The following GRIN2A variants were observed in gnomAD, a reference collection of about 807,000 sequenced individuals.
The protein encoded by GRIN2A is glutamate receptor ionotropic, NMDA 2A.
In GRIN2A, 22 loss-of-function variants were observed where a neutral mutation model predicts 113.4. That is an observed-to-expected ratio of 0.19 (90% CI 0.14 to 0.28). The LOEUF (loss-of-function observed/expected upper bound fraction) is 0.28. GRIN2A is among the 10% of genes least tolerant of loss of function. The pLI is 1.00. For missense variants in GRIN2A, 1,502 were observed against 1,887.0 expected, an observed-to-expected ratio of 0.80 and a Z score of 3.78; for synonymous variants, 827 against 738.4, an observed-to-expected ratio of 1.12 and a Z score of -1.94.
intron 5 of GRIN2A, among the ~76,000 whole-genome samples, chr16:9,842,627 A>G (rs1241143239): frequency 6.6e-6 from 1 of 152,236 alleles, no homozygotes; most frequent in Admixed American, 6.5e-5. Flanking sequence ...AAATAACTGT[A>G]TGGAAAAACA....
chr16:10,181,461 T>A (rs1299260859), intron 1 of GRIN2A: 1 of 152,332 alleles, frequency 6.6e-6, no homozygotes, highest in African/African-American at 2.4e-5. Context: ...CACACGCTCA[T>A]AGGCACGCGC....
At chr16:10,051,333 C>A (rs1318431644) in intron 2 of GRIN2A, among the ~76,000 whole-genome samples, 1 of 152,170 alleles carries the variant, frequency 6.6e-6, no homozygotes, top group Non-Finnish European at 1.5e-5. Flanking sequence ...CAAGACACCT[C>A]CTGCATGGGT....
chr16:9,978,387 C>T (rs2045818349), intron 2 of GRIN2A, among the ~76,000 whole-genome samples: 2 of 152,144 alleles, frequency 1.3e-5, no homozygotes, highest in Non-Finnish European at 2.9e-5. Flanking sequence ...GTGATAATTC[C>T]CAGCCTTGCT....
rs549593627 is a variant in GRIN2A at position 9,812,236 on chromosome 16, C to T, written c.2168+10028G>A. Among the ~76,000 whole-genome samples the T allele has an allele frequency of 5.9e-5, 9 of 152,162 alleles. No homozygotes were observed. The South Asian group carries it at 8.3e-4, about 14-fold the overall frequency. The stretch of plus-strand genomic sequence containing the variant: ...GGTGGATGAAAATCTTGATGGTCAC[C>T]GTCATATAGGTTTGTCATGATGTTT... On this transcript the variant is annotated intron_variant, in intron 10 of 12. Coordinates refer to ENST00000330684, the MANE Select transcript of GRIN2A (RefSeq NM_001134407.3).
At chr16:9,928,622 T>G (rs969061301) in intron 3 of GRIN2A, among the ~76,000 whole-genome samples, 1 of 151,922 alleles carries the variant, frequency 6.6e-6, no homozygotes, top group Non-Finnish European at 1.5e-5. Context: ...ACTCGTCACT[T>G]ACTCATCTGT....
chr16:9,997,798 C>A (rs951949745), intron 2 of GRIN2A, among the ~76,000 whole-genome samples: 1 of 152,160 alleles, frequency 6.6e-6, no homozygotes, highest in Non-Finnish European at 1.5e-5. Flanking sequence ...CTCACAAGAT[C>A]TGATGGTTTT....
chr16:9,938,387 G>C lies in GRIN2A; in HGVS notation c.579C>G (p.Asn193Lys), dbSNP rs981166445. The change falls in exon 3 of 13, where the codon AAC becomes AAG. Residue 193 changes from asparagine (N) to lysine (K), a missense_variant. Physicochemically the swap from Asn to Lys is moderately conservative, Grantham distance 94 (BLOSUM62 0). Transcript: ENST00000330684. Reference protein sequence around the residue: ...FISFVKTTVDNSFVGWDMQNV... With the variant: ...FISFVKTTVDKSFVGWDMQNV... ...TCTGCATGTCCCAGCCCACAAAGCT[G>C]TTGTCCACTGTGGTCTTGACGAAGC... 1 of 1,614,020 alleles carries C rather than the reference G, an allele frequency of 6.2e-7. No homozygotes were observed. Among genetic ancestry groups the C allele is most frequent in the Non-Finnish European group, 8.5e-7 (1 of 1,180,002 alleles).
At chr16:9,856,274 C>T (rs919697962) in intron 4 of GRIN2A, among the ~76,000 whole-genome samples, 1 of 152,204 alleles carries the variant, frequency 6.6e-6, no homozygotes, top group African/African-American at 2.4e-5. Flanking sequence ...TTAATCACTA[C>T]CTCCCTTTTT....
chr16:10,153,209 G>T (rs754694079), intron 2 of GRIN2A, among the ~76,000 whole-genome samples: 4 of 152,250 alleles, frequency 2.6e-5, no homozygotes, highest in Non-Finnish European at 4.4e-5. Flanking sequence ...GTAGGGCAGG[G>T]GGTATTTGGG....
At chr16:10,018,322 G>A (rs910880172) in intron 2 of GRIN2A, among the ~76,000 whole-genome samples, 3 of 152,174 alleles carry the variant, frequency 2.0e-5, no homozygotes, top group African/African-American at 7.2e-5. Flanking sequence ...GTAAGAGGAG[G>A]CTGGTGTTTT....
chr16:9,840,174 C>G (rs781621323), intron 7 of GRIN2A, among the ~76,000 whole-genome samples: 32 of 152,104 alleles, frequency 2.1e-4, no homozygotes, highest in Non-Finnish European at 4.4e-4. Flanking sequence ...ATTTAATTGA[C>G]TCACAGTTCC....
intron 2 of GRIN2A, among the ~76,000 whole-genome samples, chr16:9,992,481 C>CAGGCCAATATATT (rs2046137081): frequency 6.6e-6 from 1 of 152,162 alleles, no homozygotes; most frequent in Non-Finnish European, 1.5e-5. Context: ...AGAAAAGAAA[C>CAGGCCAATATATT]AGGCCAATAT....
At chr16:9,790,270 G>T (rs2141206798) in intron 11 of GRIN2A, among the ~76,000 whole-genome samples, 1 of 152,308 alleles carries the variant, frequency 6.6e-6, no homozygotes, top group East Asian at 1.9e-4. Context: ...CACTGGTTTT[G>T]TGTTCCCTTT....
At chr16:10,143,343 T>C (rs533569286) in intron 2 of GRIN2A, among the ~76,000 whole-genome samples, 7 of 152,312 alleles carry the variant, frequency 4.6e-5, no homozygotes, top group South Asian at 2.1e-4. Context: ...CAGGGATACA[T>C]TTTCCTCTTA....
At chr16:10,051,172 T>C (rs2047352769) in intron 2 of GRIN2A, among the ~76,000 whole-genome samples, 1 of 152,210 alleles carries the variant, frequency 6.6e-6, no homozygotes. Flanking sequence ...TGTGCAACAC[T>C]CAGTTCCTGG....
chr16:9,957,895 C>T (rs935548855), intron 2 of GRIN2A, among the ~76,000 whole-genome samples: 1 of 152,158 alleles, frequency 6.6e-6, no homozygotes, highest in Non-Finnish European at 1.5e-5. Context: ...ACATTGGTTG[C>T]CCCCATGAGC....
At chr16:10,077,781 C>T (rs1175956372) in intron 2 of GRIN2A, among the ~76,000 whole-genome samples, 1 of 152,188 alleles carries the variant, frequency 6.6e-6, no homozygotes, top group Non-Finnish European at 1.5e-5. Context: ...GCTATTTTCT[C>T]TCCTTGGAAT....
At chr16:9,844,233 T>G (rs2042731300) in intron 5 of GRIN2A, among the ~76,000 whole-genome samples, 1 of 152,168 alleles carries the variant, frequency 6.6e-6, no homozygotes, top group South Asian at 2.1e-4. Context: ...ATGAGTTATC[T>G]CACCCATATC....
intron 9 of GRIN2A, among the ~76,000 whole-genome samples, chr16:9,828,842 CAGAA>C (rs767071029): frequency 6.6e-6 from 1 of 151,968 alleles, no homozygotes; most frequent in Admixed American, 6.6e-5. Context: ...ATTAAAAAAA[CAGAA>C]AGAAAGAAAG....
Sources: gnomAD v4.1 joint callset for allele counts (sites outside exome capture counted in the v4.1 genomes callset) on GRCh38, gnomAD v4.1.1 for gene constraint, MANE v1.5 for transcripts, NCBI Gene and HGNC (gene_info 2026-07-23, HGNC 2026-07-21) for gene names.